The following GTPBP4 variants were observed in gnomAD, a reference collection of about 807,000 sequenced individuals.
The protein encoded by GTPBP4 is GTP binding protein 4, also known as GTP-binding protein 4.
In GTPBP4, 15 loss-of-function variants were observed where a neutral mutation model predicts 81.7. That is an observed-to-expected ratio of 0.18 (90% CI 0.12 to 0.28). The LOEUF (loss-of-function observed/expected upper bound fraction) is 0.28. GTPBP4 is among the 10% of genes least tolerant of loss of function. The pLI is 1.00. For synonymous variants in GTPBP4, 272 were observed against 274.6 expected, an observed-to-expected ratio of 0.99 and a Z score of 0.09; for missense variants, 847 against 793.8, an observed-to-expected ratio of 1.07 and a Z score of -0.81.
intron 8 of GTPBP4, among the ~76,000 whole-genome samples, chr10:1,003,530 ACTTT>A (rs1831676007): frequency 2.0e-5 from 3 of 152,094 alleles, no homozygotes; most frequent in Admixed American, 2.0e-4. Context: ...CCTCTTTTAT[ACTTT>A]CTTCTAGAGT....
chr10:1,009,682 C>T (rs1831814012), intron 12 of GTPBP4, 102 bp downstream of exon 12: 2 of 793,130 alleles, frequency 2.5e-6, no homozygotes, highest in South Asian at 1.4e-5. Context: ...GTGTTTCAGC[C>T]TATTTGTCAA....
At position 1,017,518 on chromosome 10, in the gene GTPBP4, G is replaced by T. The variant is rs528166604; in HGVS notation, c.*291G>T. 1.8e-5 allele frequency: 5 copies of T among 275,606 alleles called. No homozygotes were observed. In the South Asian group the frequency reaches 4.5e-4, roughly 25 times the overall value. The allele number at this position is 275,606 out of a possible 1,614,324, so 17.1% of individuals were successfully genotyped here. The stretch of plus-strand genomic sequence containing the variant: ...TTACTGGTTTAACTAGGTTGTTTTT[G>T]ATGGAGAAAAACCTTATTTTCTTTT... On this transcript the variant is annotated 3_prime_UTR_variant, in exon 17 of 17. Coordinates refer to ENST00000360803, the MANE Select transcript of GTPBP4 (RefSeq NM_012341.3).
intron 2 of GTPBP4, 120 bp from the exon 3 acceptor site, chr10:995,809 A>C (rs1831528068): frequency 1.6e-6 from 1 of 631,912 alleles, no homozygotes; most frequent in East Asian, 2.8e-5. Context: ...TGGCCAGGAG[A>C]GGGAACTGGG....
rs759042155 is a variant in GTPBP4 at position 1,019,551 on chromosome 10, G to A, written c.*2324G>A. On this transcript the variant is annotated 3_prime_UTR_variant, in exon 17 of 17. Coordinates refer to ENST00000360803, the MANE Select transcript of GTPBP4 (RefSeq NM_012341.3). ...GTGTATTTTGTGAAGCTCCACAAAC[G>A]GGGTCACGTCATCCAGGTGAGGCCA... 9 of 1,613,386 alleles carry A rather than the reference G, an allele frequency of 5.6e-6. No individual in the cohort carries two copies. The highest frequency in any genetic ancestry group is 5.3e-5 in the African/African-American group (4 of 74,840).
Position 1,010,413 on chromosome 10 carries a change from A to G in GTPBP4, c.1244-7A>G, listed in dbSNP as rs1564470435. On this transcript the variant is annotated splice_polypyrimidine_tract_variant and splice_region_variant and intron_variant, in intron 12 of 16. Transcript: ENST00000360803. ...TGTAAACGTAACCACCTTTTTTTTAACTTTAGAGTACTGGGATTTAATGAA... is the reference window on the plus strand; with the variant it reads ...TGTAAACGTAACCACCTTTTTTTTAGCTTTAGAGTACTGGGATTTAATGAA... 1.4e-6 allele frequency: 2 copies of G among 1,436,364 alleles called. No individual in the cohort carries two copies. Among genetic ancestry groups the G allele is most frequent in the Non-Finnish European group, 9.8e-7 (1 of 1,022,266 alleles). The allele number at this position is 1,436,364 out of a possible 1,614,324, so 89.0% of individuals were successfully genotyped here.
In GTPBP4 at chr10:1,015,867, C is replaced by T. The variant is rs746622838; in HGVS notation, c.1723C>T (p.Arg575Cys). The change falls in exon 16 of 17, where the codon CGT becomes TGT. Residue 575 changes from arginine to cysteine, a missense_variant. Arg to Cys is a radical substitution (Grantham distance 180, BLOSUM62 -3). Coordinates refer to ENST00000360803, the MANE Select transcript of GTPBP4 (RefSeq NM_012341.3). The stretch of plus-strand genomic sequence containing the variant: ...GAGTGGGAGTTGCTCTCGAACTCCA[C>T]GTGACGTTTCTGGTCTTAGGGATGT... ...ARSGSCSRTP[R>C]DVSGLRDVKM... 1.3e-5 allele frequency: 21 copies of T among 1,613,500 alleles called. No individual in the cohort carries two copies. The Admixed American group carries it at 2.8e-4, about 22-fold the overall frequency.
intron 1 of GTPBP4, among the ~76,000 whole-genome samples, chr10:991,442 C>T (rs567756407): frequency 2.0e-5 from 3 of 152,248 alleles, no homozygotes; most frequent in Non-Finnish European, 4.4e-5. Context: ...GTAACTCATG[C>T]AAAAATCCTT....
At chr10:1,005,060 C>T (rs554262087) in intron 8 of GTPBP4, among the ~76,000 whole-genome samples, 23 of 152,246 alleles carry the variant, frequency 1.5e-4, no homozygotes, top group Non-Finnish European at 2.8e-4. Flanking sequence ...ACCCCCTCAC[C>T]GTAGGGAGAA....
intron 9 of GTPBP4, among the ~76,000 whole-genome samples, chr10:1,006,182 T>C (rs528025130): frequency 6.6e-6 from 1 of 152,338 alleles, no homozygotes; most frequent in African/African-American, 2.4e-5. Context: ...CCTTTTAATA[T>C]TTCGGTAGCA....
rs907967727 is a variant in GTPBP4, at chr10:996,045, T to C, written c.323+13T>C. On this transcript the variant is annotated intron_variant, in intron 3 of 16. Coordinates refer to ENST00000360803, the MANE Select transcript of GTPBP4 (RefSeq NM_012341.3). Reference sequence around the variant, plus strand: ...ATTTAGTGGACAAGTAAGGTACTTTTTTCTGTAGTGTCTTTTAAGTTATCG... The same window carrying C: ...ATTTAGTGGACAAGTAAGGTACTTTCTTCTGTAGTGTCTTTTAAGTTATCG... The C allele has an allele frequency of 6.9e-6, 11 of 1,592,284 alleles. No homozygotes were observed. The highest frequency in any genetic ancestry group is 5.0e-5 in the Admixed American group (3 of 59,682).
At chr10:1,007,895 T>C (rs1442685993) in intron 10 of GTPBP4, 1 of 517,412 alleles carries the variant, frequency 1.9e-6, no homozygotes, top group Admixed American at 1.9e-5. Context: ...CAAAGTTCTT[T>C]AGGCTGTTTA....
chr10:1,006,056 C>T (rs12242861), intron 9 of GTPBP4, 149 bp downstream of exon 9: 14 of 564,000 alleles, frequency 2.5e-5, no homozygotes, highest in South Asian at 1.8e-4. Context: ...GAGAGTGGGG[C>T]GTGAAGACAG....
chr10:1,015,982 A>G (rs922039281), intron 16 of GTPBP4, 86 bp downstream of exon 16: 3 of 1,219,592 alleles, frequency 2.5e-6, no homozygotes, highest in African/African-American at 3.0e-5. Flanking sequence ...AGCAGTTGCC[A>G]TTTGCAGGAA....
intron 1 of GTPBP4, among the ~76,000 whole-genome samples, chr10:992,175 T>G (rs1589022035): frequency 6.7e-6 from 1 of 150,346 alleles, no homozygotes; most frequent in Admixed American, 6.6e-5. Context: ...CCGAGGCAGG[T>G]GGATCACGAG....
At chr10:999,183 A>T (rs1167951948) in intron 6 of GTPBP4, 88 bp downstream of exon 6, 1 of 748,234 alleles carries the variant, frequency 1.3e-6, no homozygotes, top group Admixed American at 2.0e-5. Context: ...CAGTGGCATG[A>T]TCTCAGTCCA....
intron 9 of GTPBP4, among the ~76,000 whole-genome samples, chr10:1,006,808 T>A (rs539344241): frequency 8.5e-5 from 13 of 152,214 alleles, no homozygotes; most frequent in African/African-American, 3.1e-4. Flanking sequence ...GTGCAGAGGG[T>A]CACTGTGGTG....
At chr10:999,854 A>AT (rs1831593663) in intron 6 of GTPBP4, among the ~76,000 whole-genome samples, 1 of 152,118 alleles carries the variant, frequency 6.6e-6, no homozygotes, top group African/African-American at 2.4e-5. Flanking sequence ...AGCTACTTGG[A>AT]AGGCTGAGGC....
intron 4 of GTPBP4, 67 bp downstream of exon 4, chr10:996,309 C>CT: frequency 7.3e-7 from 1 of 1,371,532 alleles, no homozygotes; most frequent in Non-Finnish European, 1.0e-6. Flanking sequence ...TTGTTGAGGA[C>CT]TTGAGATGTC....
At chr10:991,870 T>C (rs1049933876) in intron 1 of GTPBP4, among the ~76,000 whole-genome samples, 25 of 147,998 alleles carry the variant, frequency 1.7e-4, no homozygotes, top group Non-Finnish European at 3.6e-4. Context: ...TAATTTTTTG[T>C]ATTTTTAGTA....
Sources: gnomAD v4.1 joint callset for allele counts (sites outside exome capture counted in the v4.1 genomes callset) on GRCh38, gnomAD v4.1.1 for gene constraint, MANE v1.5 for transcripts, NCBI Gene and HGNC (gene_info 2026-07-23, HGNC 2026-07-21) for gene names.